Variants in SLC43A2 observed in about 807,000 individuals in gnomAD.
The protein encoded by SLC43A2 is solute carrier family 43 member 2, also known as large neutral amino acids transporter small subunit 4.
In SLC43A2, 38 loss-of-function variants were observed where a neutral mutation model predicts 63.2. The observed-to-expected ratio is 0.60, with a 90% CI of 0.46 to 0.79. SLC43A2 has a LOEUF of 0.79. Among genes scored for constraint, SLC43A2 ranks in the 30% least tolerant of loss-of-function variants. The probability of loss-of-function intolerance (pLI) is 0.00; values close to 1 mark genes in which losing one functional copy is unlikely to be tolerated. For synonymous variants in SLC43A2, 322 were observed against 331.0 expected (o/e 0.97, Z 0.30); for missense variants, 644 against 756.2 (o/e 0.85, Z 1.74).
intron 2 of SLC43A2, among the ~76,000 whole-genome samples, chr17:1,617,820 C>T (rs1487323965): frequency 1.3e-5 from 2 of 152,224 alleles, no homozygotes; most frequent in African/African-American, 4.8e-5. Context: ...CTTCAAAGTC[C>T]ACCCAGCACC....
chr17:1,588,066 C>T (rs766852276), intron 9 of SLC43A2, among the ~76,000 whole-genome samples: 6 of 152,376 alleles, frequency 3.9e-5, no homozygotes, highest in Middle Eastern at 3.4e-3. Flanking sequence ...GGACTGGGCA[C>T]TGCTGAGGAC....
intron 5 of SLC43A2, among the ~76,000 whole-genome samples, chr17:1,597,535 C>T (rs891218254): frequency 1.4e-5 from 2 of 147,220 alleles, no homozygotes; most frequent in African/African-American, 5.1e-5. Flanking sequence ...CGAGGTGGCT[C>T]ACGCCTGTAA....
At chr17:1,594,809 GGA>G in intron 5 of SLC43A2, among the ~76,000 whole-genome samples, 1 of 150,992 alleles carries the variant, frequency 6.6e-6, no homozygotes, top group Admixed American at 6.6e-5. Flanking sequence ...AGGATGGTCT[GGA>G]TCTCCTGACC....
Position 1,598,896 on chromosome 17 carries a change from G to A in SLC43A2, c.502-5617C>T, listed in dbSNP as rs1237068454. 1.1e-4 allele frequency among the ~76,000 whole-genome samples: 17 copies of A among 152,346 alleles called. No individual in the cohort carries two copies. The East Asian group carries it at 3.1e-3, about 28-fold the overall frequency. Reference sequence around the variant, plus strand: ...TTTGATGCCCTGCCTCTTGCCGCCTGGAACATTCTTACCAGCACCAAGAAA... The same window carrying A: ...TTTGATGCCCTGCCTCTTGCCGCCTAGAACATTCTTACCAGCACCAAGAAA... On this transcript the variant is annotated intron_variant, in intron 5 of 13. Coordinates refer to ENST00000301335, the MANE Select transcript of SLC43A2 (RefSeq NM_152346.3).
At chr17:1,624,419 T>C (rs902270194) in intron 2 of SLC43A2, among the ~76,000 whole-genome samples, 1 of 147,068 alleles carries the variant, frequency 6.8e-6, no homozygotes, top group Non-Finnish European at 1.5e-5. Context: ...TACAAAAAAT[T>C]TGACCGGGCG....
intron 5 of SLC43A2, among the ~76,000 whole-genome samples, chr17:1,602,277 G>T (rs542854062): frequency 6.6e-6 from 1 of 152,224 alleles, no homozygotes; most frequent in African/African-American, 2.4e-5. Flanking sequence ...AAACTGCAAT[G>T]ATTACAGGCA....
At chr17:1,586,844 G>A in intron 9 of SLC43A2, 22 of 1,272,736 alleles carry the variant, frequency 1.7e-5, no homozygotes, top group Non-Finnish European at 2.4e-5. Context: ...CTCTAGCCAG[G>A]AGGCATGTCT....
At position 1,583,240 on chromosome 17, in the gene SLC43A2, A is replaced by G. The variant is rs753632242; in HGVS notation, c.1314T>C (p.Phe438=). The change falls in exon 11 of 14, where the codon TTT becomes TTC. Residue 438 remains phenylalanine, a synonymous_variant. Transcript: ENST00000301335. This position sits in a 1 kb window ranked among gnomAD's most constrained non-coding sequence, Gnocchi z 5.5. ...GGTTGGGAATGAGGCAGGTCACCCCAAAGCCCACGAGCAGCAGGTTGGTGA... is the reference window on the plus strand; with the variant it reads ...GGTTGGGAATGAGGCAGGTCACCCCGAAGCCCACGAGCAGCAGGTTGGTGA... ...FAFTNLLLVG[F]GVTCLIPNLP... is the part of the protein sequence containing the mutation. 2 of 1,613,962 alleles carry G rather than the reference A, an allele frequency of 1.2e-6. No homozygotes were observed. The highest frequency in any genetic ancestry group is 2.7e-5 in the African/African-American group (2 of 74,920).
At position 1,593,917 on chromosome 17, in the gene SLC43A2, G is replaced by C. The variant is rs748068416; in HGVS notation, c.502-638C>G. 2.6e-5 allele frequency among the ~76,000 whole-genome samples: 4 copies of C among 152,090 alleles called. No homozygotes were observed. The highest frequency in any genetic ancestry group is 5.9e-5 in the Non-Finnish European group (4 of 67,994). On this transcript the variant is annotated intron_variant, in intron 5 of 13. Coordinates refer to ENST00000301335, the MANE Select transcript of SLC43A2 (RefSeq NM_152346.3). The surrounding 1 kb of genome is among the most constrained non-coding windows in gnomAD (Gnocchi z 5.3). ...CGCAGTGGTGTGAGCTCGGCTCGTTGCAACCTCCGCCTCCCTGGTTCAAGT... is the reference window on the plus strand; with the variant it reads ...CGCAGTGGTGTGAGCTCGGCTCGTTCCAACCTCCGCCTCCCTGGTTCAAGT...
At chr17:1,579,259 G>A (rs1003437879) in intron 11 of SLC43A2, among the ~76,000 whole-genome samples, 1 of 151,014 alleles carries the variant, frequency 6.6e-6, no homozygotes, top group African/African-American at 2.4e-5. Context: ...TCAGGAGTTT[G>A]AGATCAGCCT....
In SLC43A2 at chr17:1,583,573, A is replaced by T. The variant is rs2076053935; in HGVS notation, c.1218-237T>A. The T allele has an allele frequency of 1.7e-6, 1 of 572,362 alleles. No homozygotes were observed. Among genetic ancestry groups the T allele is most frequent in the Non-Finnish European group, 3.0e-6 (1 of 331,232 alleles). 35.5% of individuals were successfully genotyped at this position (572,362 alleles called of 1,614,324 possible). A position where few individuals can be genotyped will look rare whatever the true frequency, so the allele number is the denominator to read the frequency against. On this transcript the variant is annotated intron_variant, in intron 10 of 13. Transcript: ENST00000301335. The surrounding 1 kb of genome is among the most constrained non-coding windows in gnomAD (Gnocchi z 5.5). ...GGGTCTCGGGTACAAGAAGATGGCCATCCATATGCTGCAGTGCTCTGTGAA... is the reference window on the plus strand; with the variant it reads ...GGGTCTCGGGTACAAGAAGATGGCCTTCCATATGCTGCAGTGCTCTGTGAA...
chr17:1,619,548 G>A (rs181223086), intron 2 of SLC43A2, among the ~76,000 whole-genome samples: 12 of 152,304 alleles, frequency 7.9e-5, no homozygotes, highest in African/African-American at 2.9e-4. Context: ...CATGGCAGAC[G>A]GGGTCCTCGA....
At position 1,573,881 on chromosome 17, in the gene SLC43A2, G is replaced by T. The variant is rs1401787777; in HGVS notation, c.*1723C>A. The stretch of plus-strand genomic sequence containing the variant: ...GAGCCTCCTGCCTTGGCCTCCCAAA[G>T]TGCTGGGATTATAGGCGTGAGCCAC... On this transcript the variant is annotated 3_prime_UTR_variant, in exon 14 of 14. Coordinates refer to ENST00000301335, the MANE Select transcript of SLC43A2 (RefSeq NM_152346.3). 6.6e-6 allele frequency: 1 copy of T among 152,126 alleles called. No homozygotes were observed. The highest frequency in any genetic ancestry group is 2.4e-5 in the African/African-American group (1 of 41,428). 9.4% of individuals were successfully genotyped at this position (152,126 alleles called of 1,614,324 possible).
Position 1,583,454 on chromosome 17 carries a change from C to A in SLC43A2, c.1218-118G>T. The A allele has an allele frequency of 6.6e-7, 1 of 1,522,042 alleles. No individual in the cohort carries two copies. The allele number at this position is 1,522,042 out of a possible 1,614,324, so 94.3% of individuals were successfully genotyped here. ...AACTGACGCAAGACTCAGAAGCCACCCAGGCACGTTTTAGGGACTGTGTCG... is the reference window on the plus strand; with the variant it reads ...AACTGACGCAAGACTCAGAAGCCACACAGGCACGTTTTAGGGACTGTGTCG... On this transcript the variant is annotated intron_variant, in intron 10 of 13. Coordinates refer to ENST00000301335, the MANE Select transcript of SLC43A2 (RefSeq NM_152346.3). This position sits in a 1 kb window ranked among gnomAD's most constrained non-coding sequence, Gnocchi z 5.5.
At position 1,606,505 on chromosome 17, in the gene SLC43A2, G is replaced by C. The variant is rs983854987; in HGVS notation, c.501+6690C>G. On this transcript the variant is annotated intron_variant, in intron 5 of 13. Transcript: ENST00000301335. This position sits in a 1 kb window ranked among gnomAD's most constrained non-coding sequence, Gnocchi z 4.7. ...TGAGAAATCCCCATCCCACCCACGGGGACAGGGGTCAGAGTAATGGAGTGG... is the reference window on the plus strand; with the variant it reads ...TGAGAAATCCCCATCCCACCCACGGCGACAGGGGTCAGAGTAATGGAGTGG... Among the ~76,000 whole-genome samples the C allele has an allele frequency of 6.6e-6, 1 of 152,160 alleles. No individual in the cohort carries two copies. Among genetic ancestry groups the C allele is most frequent in the African/African-American group, 2.4e-5 (1 of 41,440 alleles).
chr17:1,583,473 T>C lies in SLC43A2; in HGVS notation c.1218-137A>G. 1 of 1,454,168 alleles carries C rather than the reference T, an allele frequency of 6.9e-7. No individual in the cohort carries two copies. Among genetic ancestry groups the C allele is most frequent in the African/African-American group, 1.4e-5 (1 of 71,346 alleles). The allele number at this position is 1,454,168 out of a possible 1,614,324, so 90.1% of individuals were successfully genotyped here. On this transcript the variant is annotated intron_variant, in intron 10 of 13. Transcript: ENST00000301335. The surrounding 1 kb of genome is among the most constrained non-coding windows in gnomAD (Gnocchi z 5.5). ...AGCCACCCAGGCACGTTTTAGGGAC[T>C]GTGTCGGGGCTGGACCAGCACTACG...
Position 1,591,309 on chromosome 17 carries a change from G to A in SLC43A2, c.891C>T (p.Ser297=). ...ALQEGHKLCL[S]TVDLEVKCQP... ...GGCACTTCACCTCCAGGTCGACGGTGGACAGGCACAGCTTGTGGCCCTCCT... is the reference window on the plus strand; with the variant it reads ...GGCACTTCACCTCCAGGTCGACGGTAGACAGGCACAGCTTGTGGCCCTCCT... Residue 297 remains serine, a synonymous_variant, in exon 8 of 14, where the codon TCC becomes TCT. Coordinates refer to ENST00000301335, the MANE Select transcript of SLC43A2 (RefSeq NM_152346.3). The A allele has an allele frequency of 6.2e-7, 1 of 1,607,708 alleles. No homozygotes were observed. Among genetic ancestry groups the A allele is most frequent in the Non-Finnish European group, 8.5e-7 (1 of 1,179,932 alleles).
rs1306749827 is a variant in SLC43A2 at position 1,577,558 on chromosome 17, A to G, written c.1424+692T>C. Among the ~76,000 whole-genome samples the G allele has an allele frequency of 6.6e-6, 1 of 152,204 alleles. No individual in the cohort carries two copies. Among genetic ancestry groups the G allele is most frequent in the African/African-American group, 2.4e-5 (1 of 41,454 alleles). On this transcript the variant is annotated intron_variant, in intron 12 of 13. Transcript: ENST00000301335. This position sits in a 1 kb window ranked among gnomAD's most constrained non-coding sequence, Gnocchi z 4.9. ...AGAGTTCCGGGCTAAATCTTAGCAC[A>G]TGTCAGGCTCTGCTGGCCCAGAGGT...
In SLC43A2 at chr17:1,591,716, G is replaced by T; in HGVS notation, c.595-17C>A. 1 of 1,031,180 alleles carries T rather than the reference G, an allele frequency of 9.7e-7. No individual in the cohort carries two copies. Among genetic ancestry groups the T allele is most frequent in the Non-Finnish European group, 1.4e-6 (1 of 709,278 alleles). 63.9% of individuals were successfully genotyped at this position (1,031,180 alleles called of 1,614,324 possible). On this transcript the variant is annotated splice_polypyrimidine_tract_variant and intron_variant, in intron 6 of 13. Transcript: ENST00000301335. The stretch of plus-strand genomic sequence containing the variant: ...ATAGATGAGCTGACAGGCACCGCGG[G>T]GACGGGGTGGGGGGGGGAGGGGGCA...
Sources: allele counts gnomAD v4.1 joint callset (sites outside exome capture counted in the v4.1 genomes callset), GRCh38; gene constraint gnomAD v4.1.1; non-coding constraint Gnocchi (gnomAD v3.1); transcripts MANE v1.5; gene names NCBI Gene and HGNC (gene_info 2026-07-23, HGNC 2026-07-21).